Variants in STK38 observed in about 807,000 individuals in gnomAD.
The protein encoded by STK38 is serine/threonine kinase 38.
A neutral mutation model predicts 59.0 loss-of-function variants in STK38; 26 were observed. The ratio of observed to expected loss-of-function variants is 0.44; its 90% CI spans 0.32 to 0.61. The LOEUF (loss-of-function observed/expected upper bound fraction) is 0.61, where lower values mean the gene tolerates loss of function less well. Among genes scored for constraint, STK38 ranks in the 20% least tolerant of loss-of-function variants. The pLI is 0.04. For missense variants in STK38, 433 were observed against 566.0 expected, an observed-to-expected ratio of 0.76 and a Z score of 2.38; for synonymous variants, 175 against 176.6, an observed-to-expected ratio of 0.99 and a Z score of 0.07.
chr6:36,533,082 A>G (rs865817082), intron 2 of STK38, among the ~76,000 whole-genome samples: 1,773 of 145,788 alleles, frequency 0.012, 40 homozygotes, highest in African/African-American at 0.042. Flanking sequence ...AAAAAAAAAA[A>G]GGGGTACACA....
rs542762663 is a variant in STK38 at position 36,526,030 on chromosome 6, T to C, written c.132-388A>G. On this transcript the variant is annotated intron_variant, in intron 2 of 13. Coordinates refer to ENST00000229812, the MANE Select transcript of STK38 (RefSeq NM_007271.4). Reference sequence around the variant, plus strand: ...CATACCTGGCTAATTTTTAAATTTTTTGTAGAAATGAGGTCTCATTATATT... The same window carrying C: ...CATACCTGGCTAATTTTTAAATTTTCTGTAGAAATGAGGTCTCATTATATT... Among the ~76,000 whole-genome samples the C allele has an allele frequency of 7.9e-5, 12 of 152,286 alleles. No individual in the cohort carries two copies. In the East Asian group the frequency reaches 2.1e-3, roughly 27 times the overall value.
At chr6:36,530,879 G>A (rs939691001) in intron 2 of STK38, among the ~76,000 whole-genome samples, 10 of 151,422 alleles carry the variant, frequency 6.6e-5, no homozygotes, top group South Asian at 6.2e-4. Context: ...TAGTAGACAC[G>A]GGGTTTCATC....
intron 11 of STK38, 40 bp downstream of exon 11, chr6:36,498,323 A>G: frequency 6.3e-7 from 1 of 1,579,848 alleles, no homozygotes; most frequent in Non-Finnish European, 8.5e-7. Context: ...CATTCATATT[A>G]AAAAGCTGAG....
rs55921013 is a variant in STK38, at chr6:36,496,704, G to A, written c.1267+7C>T. ...AAGGCAGCAGGAGACAATGCTGGTG[G>A]TGTTACCTGTTGGCTTAAGAATATC... On this transcript the variant is annotated splice_region_variant and intron_variant, in intron 13 of 13. Transcript: ENST00000229812. 0.059 allele frequency: 94,593 copies of A among 1,602,108 alleles called. 3,295 individuals are homozygous for A. Among genetic ancestry groups the A allele is most frequent in the Middle Eastern group, 0.11 (685 of 6,042 alleles).
intron 13 of STK38, 128 bp from the exon 14 acceptor site, chr6:36,496,042 A>T (rs1776695851): frequency 2.1e-6 from 2 of 971,992 alleles, no homozygotes; most frequent in African/African-American, 1.7e-5. Flanking sequence ...TCACTCTATG[A>T]ATTTTTTTTT....
At chr6:36,539,767 T>A (rs1777886951) in intron 2 of STK38, among the ~76,000 whole-genome samples, 1 of 150,456 alleles carries the variant, frequency 6.6e-6, no homozygotes, top group African/African-American at 2.5e-5. Flanking sequence ...TTTTTTTTTT[T>A]AAGATACAGA....
At position 36,498,352 on chromosome 6, in the gene STK38, T is replaced by C; in HGVS notation, c.1076+11A>G. ...AGCTGAGAAAGAAGGTGGAGGGATG[T>C]TCTCTAATACCTCAAAATTAGATCC... On this transcript the variant is annotated intron_variant, in intron 11 of 13. Transcript: ENST00000229812. The C allele has an allele frequency of 1.3e-6, 2 of 1,597,832 alleles. No individual in the cohort carries two copies. The highest frequency in any genetic ancestry group is 3.7e-5 in the Admixed American group (2 of 53,580).
intron 4 of STK38, chr6:36,522,326 T>A (rs989021977): frequency 6.6e-6 from 1 of 152,420 alleles, no homozygotes; most frequent in Non-Finnish European, 1.5e-5. Flanking sequence ...CATAATATGG[T>A]GACCTCCCAG....
intron 5 of STK38, 90 bp from the exon 6 acceptor site, chr6:36,517,930 A>G (rs1777294703): frequency 3.4e-6 from 5 of 1,461,940 alleles, no homozygotes; most frequent in Non-Finnish European, 3.7e-6. Flanking sequence ...CTGTGCTTAA[A>G]TACTGTTTTG....
chr6:36,496,774 T>C lies in STK38; in HGVS notation c.1204A>G (p.Lys402Glu), dbSNP rs1049279785. The C allele has an allele frequency of 6.2e-7, 1 of 1,613,428 alleles. No individual in the cohort carries two copies. The highest frequency in any genetic ancestry group is 8.5e-7 in the Non-Finnish European group (1 of 1,179,820). ...ERPAAISIEI[K>E]SIDDTSNFDE... ...AAGTTTGAGGTATCATCAATGCTTT[T>C]GATTTCAATAGATATTGCAGCAGGT... Residue 402 changes from lysine to glutamate, a missense_variant, in exon 13 of 14, where the codon AAA becomes GAA. Around this residue, in one of 3 missense-constraint regions of STK38, gnomAD observed 136 missense variants for 156.7 expected, o/e 0.87. Coordinates refer to ENST00000229812, the MANE Select transcript of STK38 (RefSeq NM_007271.4).
intron 6 of STK38, 26 bp from the exon 7 acceptor site, chr6:36,515,518 CCACACACA>C (rs66494457): frequency 8.7e-4 from 1,330 of 1,536,910 alleles, no homozygotes; most frequent in East Asian, 3.2e-3. Context: ...TACAAAGCCA[CCACACACA>C]CACACACACA....
At chr6:36,526,964 A>C (rs1777529130) in intron 2 of STK38, among the ~76,000 whole-genome samples, 1 of 150,820 alleles carries the variant, frequency 6.6e-6, no homozygotes, top group Non-Finnish European at 1.5e-5. Flanking sequence ...GAGGCTGAGG[A>C]GGGTGGATCA....
chr6:36,498,608 G>C (rs946811607), intron 10 of STK38, 122 bp from the exon 11 acceptor site: 15 of 975,040 alleles, frequency 1.5e-5, no homozygotes, highest in Non-Finnish European at 2.0e-5. Flanking sequence ...TTTTTTTTGA[G>C]ACAGGGTCTC....
chr6:36,535,599 C>T (rs528676792), intron 2 of STK38, among the ~76,000 whole-genome samples: 2 of 152,092 alleles, frequency 1.3e-5, no homozygotes, highest in South Asian at 2.1e-4. Flanking sequence ...AATTCCAGGC[C>T]GGGTGCAGTG....
chr6:36,546,128 C>T (rs1778048349), intron 1 of STK38, among the ~76,000 whole-genome samples: 1 of 152,238 alleles, frequency 6.6e-6, no homozygotes, highest in Admixed American at 6.5e-5. Context: ...ACTGTAATCT[C>T]TACCTACACT....
chr6:36,531,460 G>A (rs1487454447), intron 2 of STK38, among the ~76,000 whole-genome samples: 3 of 152,158 alleles, frequency 2.0e-5, no homozygotes, highest in African/African-American at 7.2e-5. Flanking sequence ...CTAAAACATT[G>A]TTTTTTAATG....
chr6:36,542,538 C>G (rs917125902), intron 1 of STK38, among the ~76,000 whole-genome samples: 8 of 152,216 alleles, frequency 5.3e-5, no homozygotes, highest in African/African-American at 1.9e-4. Flanking sequence ...GTCCTAGCTA[C>G]TCCAAAGGCT....
chr6:36,503,131 C>T (rs1413057978), intron 9 of STK38, among the ~76,000 whole-genome samples: 1 of 152,180 alleles, frequency 6.6e-6, no homozygotes, highest in African/African-American at 2.4e-5. Context: ...AATTGCAGCG[C>T]TGTAGGGTGT....
At chr6:36,529,686 T>A (rs1777619904) in intron 2 of STK38, among the ~76,000 whole-genome samples, 1 of 151,750 alleles carries the variant, frequency 6.6e-6, no homozygotes, top group African/African-American at 2.4e-5. Flanking sequence ...ATTCCCTATG[T>A]CCACTAAGAA....
Sources: gnomAD v4.1 joint callset for allele counts (sites outside exome capture counted in the v4.1 genomes callset) on GRCh38, gnomAD v4.1.1 for gene constraint, gnomAD v4.1.1 regional missense constraint, MANE v1.5 for transcripts, NCBI Gene and HGNC (gene_info 2026-07-23, HGNC 2026-07-21) for gene names.